Variants in LEPR observed in about 807,000 individuals in gnomAD.
LEPR encodes the protein leptin receptor, also known as OB receptor.
Under a neutral mutation model 114.7 loss-of-function variants are expected in LEPR, and 56 were observed. The observed-to-expected ratio is 0.49, with a 90% CI of 0.39 to 0.61. The LOEUF (loss-of-function observed/expected upper bound fraction) is 0.61. LEPR is among the 20% of genes least tolerant of loss of function. LEPR has a pLI of 0.00. For missense variants in LEPR, 1,202 were observed against 1,352.9 expected (o/e 0.89, Z 1.75); for synonymous variants, 443 against 461.4 (o/e 0.96, Z 0.51).
chr1:65,463,620 G>A (rs1646973966), intron 2 of LEPR, among the ~76,000 whole-genome samples: 1 of 152,268 alleles, frequency 6.6e-6, no homozygotes, highest in South Asian at 2.1e-4. Flanking sequence ...GGGCAGTATA[G>A]CCATTTTCAT....
At position 65,639,807 on chromosome 1, in the gene LEPR, T is replaced by C. The variant is rs1342736249; in HGVS notation, c.*2792T>C. ...AGATTGTTTGAAGAGAAATCATATG[T>C]CAGGGTTTGCAGGATTACAGGATTT... On this transcript the variant is annotated 3_prime_UTR_variant, in exon 20 of 20. Coordinates refer to ENST00000349533, the MANE Select transcript of LEPR (RefSeq NM_002303.6). 6 of 152,318 alleles carry C rather than the reference T, an allele frequency of 3.9e-5. No individual in the cohort carries two copies. The highest frequency in any genetic ancestry group is 1.4e-4 in the African/African-American group (6 of 41,574). 9.4% of individuals were successfully genotyped at this position (152,318 alleles called of 1,614,324 possible).
chr1:65,436,143 T>A, intron 2 of LEPR: 1 of 860,350 alleles, frequency 1.2e-6, no homozygotes, highest in Non-Finnish European at 1.4e-6. Flanking sequence ...TCTGACCAGT[T>A]TGAAGCCTGT....
intron 2 of LEPR, among the ~76,000 whole-genome samples, chr1:65,557,830 C>T (rs764753638): frequency 3.3e-5 from 5 of 152,178 alleles, no homozygotes; most frequent in Non-Finnish European, 5.9e-5. Flanking sequence ...CTTTCACTGT[C>T]TCTTCAAGGT....
chr1:65,452,887 C>G (rs1233422735), intron 2 of LEPR, among the ~76,000 whole-genome samples: 2 of 152,080 alleles, frequency 1.3e-5, no homozygotes, highest in Non-Finnish European at 2.9e-5. Flanking sequence ...TGGTAGAATT[C>G]GGCTGTGAAT....
intron 2 of LEPR, among the ~76,000 whole-genome samples, chr1:65,454,422 G>A (rs879512298): frequency 7.2e-5 from 11 of 151,930 alleles, no homozygotes; most frequent in African/African-American, 9.7e-5. Flanking sequence ...GGCTGGTACC[G>A]GTTGTTCCTT....
intron 2 of LEPR, among the ~76,000 whole-genome samples, chr1:65,554,803 T>G (rs1449348540): frequency 6.6e-6 from 1 of 152,022 alleles, no homozygotes; most frequent in Non-Finnish European, 1.5e-5. Context: ...CCCAAATGGC[T>G]GACCACTTTT....
rs954073873 is a variant in LEPR at position 65,638,712 on chromosome 1, C to T, written c.*1697C>T. 1 of 152,078 alleles carries T rather than the reference C, an allele frequency of 6.6e-6. No homozygotes were observed. Among genetic ancestry groups the T allele is most frequent in the Non-Finnish European group, 1.5e-5 (1 of 68,028 alleles). 9.4% of individuals were successfully genotyped at this position (152,078 alleles called of 1,614,324 possible). ...CCACTCAGGAATCAATAAAGTTATT[C>T]CATGTCATAAGTATTTTTAAGATGT... On this transcript the variant is annotated 3_prime_UTR_variant, in exon 20 of 20. Transcript: ENST00000349533.
chr1:65,618,222 G>A, intron 16 of LEPR, 76 bp downstream of exon 16: 2 of 1,365,946 alleles, frequency 1.5e-6, no homozygotes, highest in Admixed American at 1.9e-5. Flanking sequence ...TATTAATATA[G>A]CCAGTTAATG....
chr1:65,493,754 C>G (rs930017512), intron 2 of LEPR: 1 of 152,118 alleles, frequency 6.6e-6, no homozygotes, highest in African/African-American at 2.4e-5. Context: ...GGCTGTGTTA[C>G]TGACTTGTGT....
intron 2 of LEPR, chr1:65,432,733 T>TAAAA: frequency 3.0e-6 from 2 of 672,718 alleles, no homozygotes; most frequent in Non-Finnish European, 3.7e-6. Context: ...GATTTTTTTT[T>TAAAA]AAAGATCACT....
chr1:65,434,920 A>G, intron 2 of LEPR: 1 of 985,436 alleles, frequency 1.0e-6, no homozygotes, highest in Non-Finnish European at 1.2e-6. Context: ...CACAGAAAGA[A>G]TGCCTTGTGA....
intron 2 of LEPR, among the ~76,000 whole-genome samples, chr1:65,536,936 A>C (rs1650817185): frequency 6.6e-6 from 1 of 152,146 alleles, no homozygotes; most frequent in Non-Finnish European, 1.5e-5. Context: ...ATGGTCTTTA[A>C]ATAGTTTGTT....
At chr1:65,443,383 G>C (rs1329488757) in intron 2 of LEPR, among the ~76,000 whole-genome samples, 2 of 151,572 alleles carry the variant, frequency 1.3e-5, no homozygotes, top group African/African-American at 2.4e-5. Context: ...GCAAGACCCT[G>C]TCTCTGAAAA....
chr1:65,582,782 C>G (rs1192523973), intron 5 of LEPR, among the ~76,000 whole-genome samples: 1 of 152,124 alleles, frequency 6.6e-6, no homozygotes, highest in Non-Finnish European at 1.5e-5. Context: ...CCTCTATTTT[C>G]TGCACCATCA....
intron 2 of LEPR, among the ~76,000 whole-genome samples, chr1:65,443,654 C>G (rs566525995): frequency 7.3e-4 from 111 of 152,220 alleles, no homozygotes; most frequent in African/African-American, 2.5e-3. Context: ...AGAGCCACAT[C>G]TCGGTCTTCT....
Position 65,613,482 on chromosome 1 carries a change from G to A in LEPR, c.1996-2526G>A, listed in dbSNP as rs1035126468. On this transcript the variant is annotated intron_variant, in intron 14 of 19. Coordinates refer to ENST00000349533, the MANE Select transcript of LEPR (RefSeq NM_002303.6). ...TTAAGATTCAACAGGGGCCGGGCGC[G>A]GTGGCTCACGCCTGTAATCCCAGCA... 5.1e-5 allele frequency among the ~76,000 whole-genome samples: 5 copies of A among 97,242 alleles called. 1 individual carries two copies. The highest frequency in any genetic ancestry group is 4.5e-4 in the Admixed American group (4 of 8,918). The allele number at this position is 97,242 out of a possible 152,430, so 63.8% of individuals were successfully genotyped here. A position where few individuals can be genotyped will look rare whatever the true frequency, so the allele number is the denominator to read the frequency against.
intron 2 of LEPR, among the ~76,000 whole-genome samples, chr1:65,553,494 G>A (rs751981705): frequency 2.9e-4 from 44 of 151,194 alleles, no homozygotes; most frequent in South Asian, 8.4e-4. Context: ...CCTTTCTTCC[G>A]CTTGTTCAAT....
rs377267377 is a variant in LEPR, at chr1:65,518,854, CTTTTCTTTCTTTCTTTCT to C, written c.-20-46671_-20-46654del. ...CAGCTTTTTTCTTTTTTCTTTTTCTCTTTTCTTTCTTTCTTTCTTTTTCTTTCTTTCTTTCTTTCTTTC... is the reference window on the plus strand; with the variant it reads ...CAGCTTTTTTCTTTTTTCTTTTTCTCTTTTCTTTCTTTCTTTCTTTCTTTC... On this transcript the variant is annotated intron_variant, in intron 2 of 19. Coordinates refer to ENST00000349533, the MANE Select transcript of LEPR (RefSeq NM_002303.6). Among the ~76,000 whole-genome samples the C allele has an allele frequency of 7.5e-3, 1,057 of 141,256 alleles. 12 individuals are homozygous for C. Among genetic ancestry groups the C allele is most frequent in the South Asian group, 0.02 (86 of 4,390 alleles). 92.7% of individuals were successfully genotyped at this position (141,256 alleles called of 152,430 possible). A position where few individuals can be genotyped will look rare whatever the true frequency, so the allele number is the denominator to read the frequency against.
chr1:65,536,651 A>C (rs866986583), intron 2 of LEPR, among the ~76,000 whole-genome samples: 2 of 152,146 alleles, frequency 1.3e-5, no homozygotes, highest in African/African-American at 4.8e-5. Flanking sequence ...GTATAAATCA[A>C]AGATTTCGGT....
Sources: allele counts gnomAD v4.1 joint callset (sites outside exome capture counted in the v4.1 genomes callset), GRCh38; gene constraint gnomAD v4.1.1; transcripts MANE v1.5; gene names NCBI Gene and HGNC (gene_info 2026-07-23, HGNC 2026-07-21).